The following IKZF3 variants were observed in gnomAD, a reference collection of about 807,000 sequenced individuals.
IKZF3 encodes IKAROS family zinc finger 3, also known as zinc finger protein Aiolos.
In IKZF3, 10 loss-of-function variants were observed where a neutral mutation model predicts 49.0. That is an observed-to-expected ratio of 0.20 (90% CI 0.13 to 0.35). The LOEUF (loss-of-function observed/expected upper bound fraction) is 0.35, where lower values mean the gene tolerates loss of function less well. Ranked by LOEUF, IKZF3 falls within the 10% of genes least tolerant of loss-of-function variation. IKZF3 has a pLI of 1.00. For missense variants in IKZF3, 498 were observed against 664.8 expected (o/e 0.75, Z 2.76); for synonymous variants, 209 against 228.2 (o/e 0.92, Z 0.76).
rs2060268625 is a variant in IKZF3 at position 39,765,589 on chromosome 17, C to T, written c.*201G>A. ...GTCCCTGATGGGAAAACAAAGGTTT[C>T]ACAAAAGTAATAATATGCTAGACCT... is the stretch of plus-strand genomic sequence containing the variant. On this transcript the variant is annotated 3_prime_UTR_variant, in exon 8 of 8. Coordinates refer to ENST00000346872, the MANE Select transcript of IKZF3 (RefSeq NM_012481.5). 2.0e-6 allele frequency: 1 copy of T among 496,054 alleles called. No individual in the cohort carries two copies. The highest frequency in any genetic ancestry group is 1.9e-5 in the African/African-American group (1 of 51,902). 30.7% of individuals were successfully genotyped at this position (496,054 alleles called of 1,614,324 possible). A position where few individuals can be genotyped will look rare whatever the true frequency, so the allele number is the denominator to read the frequency against.
Position 39,792,895 on chromosome 17 carries a change from CTCTT to C in IKZF3, c.198_201del (p.Arg67MetfsTer5), listed in dbSNP as rs747653636. On this transcript the variant is annotated frameshift_variant, in exon 4 of 8. Transcript: ENST00000346872. LOFTEE classifies it high-confidence loss of function. Reference sequence around the variant, plus strand: ...GGTTCTGACTTTAAAACATTCTCATCTCTTTCACTGTATTCATCTTTCACTTTCA... The same window carrying C: ...GGTTCTGACTTTAAAACATTCTCATCTCACTGTATTCATCTTTCACTTTCA... 1.2e-6 allele frequency: 2 copies of C among 1,614,012 alleles called. No homozygotes were observed. Among genetic ancestry groups the C allele is most frequent in the Non-Finnish European group, 1.7e-6 (2 of 1,179,920 alleles).
At chr17:39,825,520 G>A (rs911380015) in intron 3 of IKZF3, among the ~76,000 whole-genome samples, 2 of 152,180 alleles carry the variant, frequency 1.3e-5, no homozygotes, top group Non-Finnish European at 2.9e-5. Flanking sequence ...ATTCTGGTGG[G>A]CTCTAAAGCA....
chr17:39,859,520 C>G (rs2063159035), intron 1 of IKZF3, among the ~76,000 whole-genome samples: 1 of 151,826 alleles, frequency 6.6e-6, no homozygotes, highest in Admixed American at 6.6e-5. Flanking sequence ...TTCCAAGTAG[C>G]TGTTACTACA....
At chr17:39,818,439 A>T (rs2061727040) in intron 3 of IKZF3, among the ~76,000 whole-genome samples, 1 of 152,226 alleles carries the variant, frequency 6.6e-6, no homozygotes, top group South Asian at 2.1e-4. Flanking sequence ...TACTGAACTC[A>T]CCTATTTTGG....
At chr17:39,840,124 T>C (rs1048395375) in intron 1 of IKZF3, among the ~76,000 whole-genome samples, 16 of 152,200 alleles carry the variant, frequency 1.1e-4, no homozygotes, top group Admixed American at 7.2e-4. Flanking sequence ...GAAACTGGGA[T>C]GAGTTAGTCA....
intron 1 of IKZF3, among the ~76,000 whole-genome samples, chr17:39,832,467 CAT>C (rs926644478): frequency 2.0e-5 from 3 of 150,478 alleles, no homozygotes; most frequent in Non-Finnish European, 4.4e-5. Flanking sequence ...ATTATGAACA[CAT>C]AGAAAAAAAG....
chr17:39,842,716 T>C (rs1443149339), intron 1 of IKZF3, among the ~76,000 whole-genome samples: 1 of 152,220 alleles, frequency 6.6e-6, no homozygotes, highest in Non-Finnish European at 1.5e-5. Context: ...TGTTAATAAA[T>C]GAATAAATTA....
chr17:39,818,658 T>C (rs1481733386), intron 3 of IKZF3, among the ~76,000 whole-genome samples: 1 of 152,106 alleles, frequency 6.6e-6, no homozygotes, highest in Non-Finnish European at 1.5e-5. Flanking sequence ...GAGACCAGTC[T>C]GGCCATCTAG....
chr17:39,777,975 C>T (rs777235784), intron 6 of IKZF3: 31 of 1,234,668 alleles, frequency 2.5e-5, no homozygotes, highest in African/African-American at 4.7e-5. Flanking sequence ...AGTCTTATGC[C>T]GAGATGGGAA....
chr17:39,792,186 C>T (rs1416709845), intron 4 of IKZF3, among the ~76,000 whole-genome samples: 1 of 152,110 alleles, frequency 6.6e-6, no homozygotes, highest in Non-Finnish European at 1.5e-5. Context: ...GGGATGGAAT[C>T]GACTGGCTCA....
At chr17:39,857,568 T>C (rs1221691808) in intron 1 of IKZF3, among the ~76,000 whole-genome samples, 1 of 152,158 alleles carries the variant, frequency 6.6e-6, no homozygotes, top group East Asian at 1.9e-4. Context: ...ATTAGAAAAA[T>C]GGCCGTATTC....
At position 39,855,932 on chromosome 17, in the gene IKZF3, T is replaced by C. The variant is rs80209390; in HGVS notation, c.7+8188A>G. The stretch of plus-strand genomic sequence containing the variant: ...ATTTAAGATTTATAATATACGATGA[T>C]GATGTAACATGTATTATAATATACA... On this transcript the variant is annotated intron_variant, in intron 1 of 7. Coordinates refer to ENST00000346872, the MANE Select transcript of IKZF3 (RefSeq NM_012481.5). Among the ~76,000 whole-genome samples, 997 of 151,886 alleles carry C rather than the reference T, an allele frequency of 6.6e-3. 14 individuals carry two copies. The highest frequency in any genetic ancestry group is 0.023 in the African/African-American group (951 of 41,406).
chr17:39,770,913 C>T (rs548090357), intron 7 of IKZF3, among the ~76,000 whole-genome samples: 12 of 151,532 alleles, frequency 7.9e-5, no homozygotes, highest in Admixed American at 6.6e-4. Context: ...TCAAGTGATT[C>T]TCTTGCCTCA....
At chr17:39,850,523 A>ACATATTATACATGTACATATTATAG (rs1568063694) in intron 1 of IKZF3, among the ~76,000 whole-genome samples, 506 of 35,548 alleles carry the variant, frequency 0.014, 15 homozygotes, top group African/African-American at 0.065. Context: ...AGCATATTAT[A>ACATATTATACATGTACATATTATAG]CATATTATAC....
chr17:39,783,555 C>T (rs1302960597), intron 6 of IKZF3, among the ~76,000 whole-genome samples: 1 of 152,112 alleles, frequency 6.6e-6, no homozygotes, highest in Non-Finnish European at 1.5e-5. Flanking sequence ...CTCCTGACCT[C>T]GCGATCCGCC....
At chr17:39,791,037 TGTCTC>T (rs1428732460) in intron 5 of IKZF3, among the ~76,000 whole-genome samples, 1 of 152,212 alleles carries the variant, frequency 6.6e-6, no homozygotes, top group Non-Finnish European at 1.5e-5. Flanking sequence ...ATCATTTGCT[TGTCTC>T]GTCTTTTGAA....
rs760909600 is a variant in IKZF3 at position 39,813,973 on chromosome 17, C to A, written c.163+15414G>T. On this transcript the variant is annotated intron_variant, in intron 3 of 7. Transcript: ENST00000346872. ...TCTCTCCCAGCTCGCTCCAGCCACCCTTCTTCACACATCTAAATGTGGCGG... is the reference window on the plus strand; with the variant it reads ...TCTCTCCCAGCTCGCTCCAGCCACCATTCTTCACACATCTAAATGTGGCGG... 1.3e-5 allele frequency among the ~76,000 whole-genome samples: 2 copies of A among 152,228 alleles called. 1 individual carries two copies. The highest frequency in any genetic ancestry group is 4.1e-4 in the South Asian group (2 of 4,832).
chr17:39,864,262 C>G lies in IKZF3; in HGVS notation c.-136G>C. The G allele has an allele frequency of 2.0e-6, 2 of 1,007,376 alleles. No individual in the cohort carries two copies. The highest frequency in any genetic ancestry group is 2.9e-6 in the Non-Finnish European group (2 of 689,428). 62.4% of individuals were successfully genotyped at this position (1,007,376 alleles called of 1,614,324 possible). A position where few individuals can be genotyped will look rare whatever the true frequency, so the allele number is the denominator to read the frequency against. On this transcript the variant is annotated 5_prime_UTR_variant, in exon 1 of 8. Coordinates refer to ENST00000346872, the MANE Select transcript of IKZF3 (RefSeq NM_012481.5). Reference sequence around the variant, plus strand: ...AGTCCCCGGGATCCGGCAGCCGCGTCGGCGCAGACTGAAAAGGGCAGGAGC... The same window carrying G: ...AGTCCCCGGGATCCGGCAGCCGCGTGGGCGCAGACTGAAAAGGGCAGGAGC...
At chr17:39,835,806 T>C (rs2062260527) in intron 1 of IKZF3, 1 of 525,464 alleles carries the variant, frequency 1.9e-6, no homozygotes, top group Non-Finnish European at 3.7e-6. Flanking sequence ...GTATGCCTCA[T>C]CCACATCCTT....
Sources: allele counts gnomAD v4.1 joint callset (sites outside exome capture counted in the v4.1 genomes callset), GRCh38; gene constraint gnomAD v4.1.1; transcripts MANE v1.5; gene names NCBI Gene and HGNC (gene_info 2026-07-23, HGNC 2026-07-21).